Variants in DRD2 observed in about 807,000 individuals in gnomAD.
The protein encoded by DRD2 is D(2) dopamine receptor.
A neutral mutation model predicts 38.0 loss-of-function variants in DRD2; 8 were observed. That is an observed-to-expected ratio of 0.21 (90% CI 0.12 to 0.38). The LOEUF (loss-of-function observed/expected upper bound fraction) is 0.38. DRD2 is among the 10% of genes least tolerant of loss of function. DRD2 has a pLI of 1.00. For synonymous variants in DRD2, 230 were observed against 238.6 expected (o/e 0.96, Z 0.33); for missense variants, 403 against 607.7 (o/e 0.66, Z 3.54).
At chr11:113,427,445 T>C (rs1320305082) in intron 1 of DRD2, among the ~76,000 whole-genome samples, 1 of 152,112 alleles carries the variant, frequency 6.6e-6, no homozygotes, top group Non-Finnish European at 1.5e-5. Context: ...TAGGAGTCTC[T>C]TTTTTTCACT....
chr11:113,468,925 C>A (rs1951395919), intron 1 of DRD2, among the ~76,000 whole-genome samples: 1 of 152,224 alleles, frequency 6.6e-6, no homozygotes, highest in Non-Finnish European at 1.5e-5. Context: ...CCCGCCCTCA[C>A]ATTTCTGTAA....
chr11:113,434,481 G>T (rs7350522), intron 1 of DRD2, among the ~76,000 whole-genome samples: 22,512 of 152,202 alleles, frequency 0.15, 2,265 homozygotes, highest in East Asian at 0.37. Flanking sequence ...AGTCACAGTG[G>T]TAGCTGGGGT....
chr11:113,423,102 G>A (rs2138177364), intron 2 of DRD2, among the ~76,000 whole-genome samples: 1 of 152,222 alleles, frequency 6.6e-6, no homozygotes, highest in African/African-American at 2.4e-5. Context: ...GATCCAGCTT[G>A]TGCCCACCGA....
intron 1 of DRD2, chr11:113,474,298 G>A (rs1321221598): frequency 6.6e-6 from 1 of 152,194 alleles, no homozygotes; most frequent in African/African-American, 2.4e-5. Flanking sequence ...CGCTCTGTCT[G>A]GTGCTTAGAG....
intron 1 of DRD2, among the ~76,000 whole-genome samples, chr11:113,449,644 G>T (rs1951190648): frequency 6.6e-6 from 1 of 151,998 alleles, no homozygotes; most frequent in African/African-American, 2.4e-5. Context: ...ATAACACGGA[G>T]CTGCTCCCAC....
At chr11:113,415,329 G>T in intron 5 of DRD2, 92 bp downstream of exon 5, 1 of 1,483,772 alleles carries the variant, frequency 6.7e-7, no homozygotes, top group Non-Finnish European at 9.1e-7. Flanking sequence ...CCCTTGCTGA[G>T]GTTTCCCAAG....
chr11:113,454,131 T>C (rs767759177), intron 1 of DRD2, among the ~76,000 whole-genome samples: 1 of 152,174 alleles, frequency 6.6e-6, no homozygotes, highest in Non-Finnish European at 1.5e-5. Context: ...TTTGAGTCTT[T>C]ACACAATAAA....
intron 1 of DRD2, among the ~76,000 whole-genome samples, chr11:113,463,441 C>T (rs1343037137): frequency 2.6e-5 from 4 of 152,194 alleles, no homozygotes; most frequent in Non-Finnish European, 4.4e-5. Context: ...AGACCCTGAA[C>T]ACGTTACTTC....
intron 1 of DRD2, among the ~76,000 whole-genome samples, chr11:113,461,433 A>C (rs1422212563): frequency 2.0e-5 from 3 of 152,010 alleles, no homozygotes. Flanking sequence ...CCCTGCCTCC[A>C]CCCCACACAT....
At position 113,424,519 on chromosome 11, in the gene DRD2, T is replaced by C. The variant is rs1193685527; in HGVS notation, c.133A>G (p.Ile45Val). Residue 45 changes from isoleucine (I) to valine (V), a missense_variant, in exon 2 of 8, where the codon ATC (isoleucine) becomes GTC (valine). Ile to Val is a conservative substitution (Grantham distance 29). This residue lies in a region of DRD2 where 162 missense variants were observed against 254.5 expected (regional missense o/e 0.64). Coordinates refer to ENST00000362072, the MANE Select transcript of DRD2 (RefSeq NM_000795.4). ...NYYATLLTLL[I>V]AVIVFGNVLV... ...ACGTTGCCGAAGACGATGACAGCGA[T>C]GAGCAGGGTGAGCAGTGTGGCATAG... 2 of 1,614,116 alleles carry C rather than the reference T, an allele frequency of 1.2e-6. No homozygotes were observed. Among genetic ancestry groups the C allele is most frequent in the East Asian group, 2.2e-5 (1 of 44,898 alleles).
chr11:113,433,546 G>C (rs1025901397), intron 1 of DRD2, among the ~76,000 whole-genome samples: 1 of 152,114 alleles, frequency 6.6e-6, no homozygotes, highest in African/African-American at 2.4e-5. Context: ...CTTCTCCCCC[G>C]GCATGGGGAG....
intron 1 of DRD2, among the ~76,000 whole-genome samples, chr11:113,431,198 GT>G (rs1950983675): frequency 6.6e-6 from 1 of 152,176 alleles, no homozygotes; most frequent in Admixed American, 6.5e-5. Context: ...GCTGTTACAG[GT>G]TGAGCTACTT....
At chr11:113,442,796 C>T (rs956071927) in intron 1 of DRD2, among the ~76,000 whole-genome samples, 2 of 152,196 alleles carry the variant, frequency 1.3e-5, no homozygotes, top group African/African-American at 4.8e-5. Context: ...TTCCATCTTC[C>T]TGGCATGAGG....
intron 3 of DRD2, among the ~76,000 whole-genome samples, chr11:113,417,433 C>T (rs910872645): frequency 6.6e-6 from 1 of 151,940 alleles, no homozygotes; most frequent in Admixed American, 6.5e-5. Flanking sequence ...TGGCAATTGT[C>T]TACAATCCTT....
At chr11:113,439,147 C>T (rs11214606) in intron 1 of DRD2, among the ~76,000 whole-genome samples, 5,152 of 152,318 alleles carry the variant, frequency 0.034, 111 homozygotes, top group Non-Finnish European at 0.054. Context: ...ACAGGTTCTT[C>T]GGTACCTACA....
chr11:113,453,956 C>A (rs138829170), intron 1 of DRD2, among the ~76,000 whole-genome samples: 1 of 152,110 alleles, frequency 6.6e-6, no homozygotes, highest in African/African-American at 2.4e-5. Context: ...GAGGATGGAA[C>A]TAATATTAGG....
At chr11:113,434,261 T>A (rs1951016165) in intron 1 of DRD2, among the ~76,000 whole-genome samples, 1 of 152,252 alleles carries the variant, frequency 6.6e-6, no homozygotes, top group South Asian at 2.1e-4. Flanking sequence ...ATGTGTCTTG[T>A]CTCTCCTGGT....
chr11:113,473,446 A>G (rs895929535), intron 1 of DRD2, among the ~76,000 whole-genome samples: 3 of 152,294 alleles, frequency 2.0e-5, no homozygotes, highest in African/African-American at 7.2e-5. Flanking sequence ...AAAGAAAAAA[A>G]CCCTTAGAGA....
At chr11:113,466,543 T>A (rs572091752) in intron 1 of DRD2, among the ~76,000 whole-genome samples, 1 of 152,174 alleles carries the variant, frequency 6.6e-6, no homozygotes, top group Non-Finnish European at 1.5e-5. Flanking sequence ...ACCTATAATG[T>A]CTTCATGGCT....
Sources: gnomAD v4.1 joint callset for allele counts (sites outside exome capture counted in the v4.1 genomes callset) on GRCh38, gnomAD v4.1.1 for gene constraint, gnomAD v4.1.1 regional missense constraint, MANE v1.5 for transcripts, NCBI Gene and HGNC (gene_info 2026-07-23, HGNC 2026-07-21) for gene names.